Variants in ABCC9 observed in about 807,000 individuals in gnomAD.
The protein encoded by ABCC9 is ATP binding cassette subfamily C member 9.
A neutral mutation model predicts 188.3 loss-of-function variants in ABCC9; 95 were observed. That is an observed-to-expected ratio of 0.50 (90% CI 0.43 to 0.60). The LOEUF (loss-of-function observed/expected upper bound fraction) is 0.60. Among genes scored for constraint, ABCC9 ranks in the 20% least tolerant of loss-of-function variants. ABCC9 has a pLI of 0.00. For synonymous variants in ABCC9, 659 were observed against 652.7 expected, an observed-to-expected ratio of 1.01 and a Z score of -0.15; for missense variants, 1,102 against 1,876.3, an observed-to-expected ratio of 0.59 and a Z score of 7.62.
At chr12:21,827,193 C>T (rs1023265068) in intron 31 of ABCC9, 4 of 985,384 alleles carry the variant, frequency 4.1e-6, no homozygotes, top group Non-Finnish European at 4.8e-6. Flanking sequence ...TTTTCCTGAC[C>T]TTCCCTTTCT....
At chr12:21,862,101 AT>A (rs1013787620) in intron 20 of ABCC9, among the ~76,000 whole-genome samples, 4 of 151,158 alleles carry the variant, frequency 2.6e-5, no homozygotes, top group South Asian at 2.1e-4. Flanking sequence ...TTGTTCTTCA[AT>A]TTTTTTTTCT....
chr12:21,855,010 A>T (rs12425757), intron 22 of ABCC9, among the ~76,000 whole-genome samples: 15,774 of 152,166 alleles, frequency 0.1, 1,019 homozygotes, highest in Admixed American at 0.18. Flanking sequence ...AGAAAAGCAG[A>T]TGATTTTCAC....
At chr12:21,934,027 G>C (rs1017587667) in intron 3 of ABCC9, 104 bp from the exon 4 acceptor site, 3 of 1,216,386 alleles carry the variant, frequency 2.5e-6, no homozygotes, top group Non-Finnish European at 3.5e-6. Flanking sequence ...GGGTGGGGGG[G>C]TCCTGAAACC....
At chr12:21,891,120 T>C (rs1012884180) in intron 14 of ABCC9, among the ~76,000 whole-genome samples, 4 of 152,198 alleles carry the variant, frequency 2.6e-5, no homozygotes, top group Non-Finnish European at 5.9e-5. Flanking sequence ...TTTCCCTTCC[T>C]GGTCTGTCTA....
In ABCC9 at chr12:21,804,688, C is replaced by T. The variant is rs1374656249; in HGVS notation, c.4512+1310G>A. 2.0e-5 allele frequency among the ~76,000 whole-genome samples: 3 copies of T among 152,134 alleles called. No individual in the cohort carries two copies. The South Asian group carries it at 6.2e-4, about 31-fold the overall frequency. ...GCCCTGATGGGACATCATTTCCTGCCATCTTGAAAAAAGCTGCACTCCAAA... is the reference window on the plus strand; with the variant it reads ...GCCCTGATGGGACATCATTTCCTGCTATCTTGAAAAAAGCTGCACTCCAAA... On this transcript the variant is annotated intron_variant, in intron 39 of 39. Coordinates refer to ENST00000261200, the MANE Select transcript of ABCC9 (RefSeq NM_020297.4).
At chr12:21,863,169 A>G in intron 19 of ABCC9, 115 bp from the exon 20 acceptor site, 1 of 734,090 alleles carries the variant, frequency 1.4e-6, no homozygotes, top group Non-Finnish European at 2.3e-6. Context: ...AGATACAGAA[A>G]TGGAAAACTT....
rs571226978 is a variant in ABCC9 at position 21,853,979 on chromosome 12, A to G, written c.2506-1474T>C. 5.9e-5 allele frequency among the ~76,000 whole-genome samples: 9 copies of G among 152,330 alleles called. No individual in the cohort carries two copies. In the South Asian group the frequency reaches 1.7e-3, roughly 28 times the overall value. On this transcript the variant is annotated intron_variant, in intron 22 of 39. Transcript: ENST00000261200. ...CCCTTCTTTCTTTGTTGCTTCTCCA[A>G]TAGGTAATATGCAAACAAACTTCTA...
chr12:21,818,524 A>G (rs1379630984), intron 31 of ABCC9, among the ~76,000 whole-genome samples: 9 of 125,034 alleles, frequency 7.2e-5, no homozygotes, highest in African/African-American at 2.8e-4. Flanking sequence ...AGATATATAT[A>G]TATGTGTGTG....
At chr12:21,913,322 CTG>C (rs1436397739) in intron 7 of ABCC9, among the ~76,000 whole-genome samples, 3 of 152,098 alleles carry the variant, frequency 2.0e-5, no homozygotes, top group Non-Finnish European at 2.9e-5. Context: ...TTCTAAGACT[CTG>C]TATTATTTTA....
In ABCC9 at chr12:21,872,516, T is replaced by C. The variant is rs919630003; in HGVS notation, c.2198+109A>G. On this transcript the variant is annotated intron_variant, in intron 18 of 39. Transcript: ENST00000261200. The stretch of plus-strand genomic sequence containing the variant: ...TTTTTTTTAAAGCTGTGCTTATTTC[T>C]GCGTGGTCTTCAGAGTCAGAACATG... 1.3e-5 allele frequency: 11 copies of C among 864,704 alleles called. No homozygotes were observed. The African/African-American group carries it at 1.7e-4, about 13-fold the overall frequency. The allele number at this position is 864,704 out of a possible 1,614,324, so 53.6% of individuals were successfully genotyped here.
rs1429982838 is a variant in ABCC9 at position 21,799,820 on chromosome 12, T to C, written c.*1224A>G. ...TGGGCACAGAATAGTAGAAACTGGT[T>C]GCTAACGTGACAAAGAAGGTGACTT... is the stretch of plus-strand genomic sequence containing the variant. On this transcript the variant is annotated 3_prime_UTR_variant, in exon 40 of 40. Transcript: ENST00000261200. 2 of 152,218 alleles carry C rather than the reference T, an allele frequency of 1.3e-5. No homozygotes were observed. Among genetic ancestry groups the C allele is most frequent in the Non-Finnish European group, 2.9e-5 (2 of 68,036 alleles). 9.4% of individuals were successfully genotyped at this position (152,218 alleles called of 1,614,324 possible).
intron 14 of ABCC9, among the ~76,000 whole-genome samples, chr12:21,891,917 G>A (rs1947178889): frequency 6.6e-6 from 1 of 152,126 alleles, no homozygotes; most frequent in Non-Finnish European, 1.5e-5. Context: ...ATCAACACTG[G>A]GAGAGCACTT....
intron 39 of ABCC9, among the ~76,000 whole-genome samples, chr12:21,801,745 G>A (rs1446138762): frequency 6.6e-6 from 1 of 152,108 alleles, no homozygotes; most frequent in African/African-American, 2.4e-5. Flanking sequence ...TCCACGCGAT[G>A]CCCTTTGGAT....
chr12:21,800,479 G>A lies in ABCC9; in HGVS notation c.*565C>T, dbSNP rs1338211086. 6.4e-6 allele frequency: 1 copy of A among 155,466 alleles called. No homozygotes were observed. The highest frequency in any genetic ancestry group is 2.4e-5 in the African/African-American group (1 of 41,436). The allele number at this position is 155,466 out of a possible 1,614,324, so 9.6% of individuals were successfully genotyped here. A position where few individuals can be genotyped will look rare whatever the true frequency, so the allele number is the denominator to read the frequency against. ...TTGGCCTTATAGAATAAGTATAAGT[G>A]TGATAACTTCTTGGTGACAAGAAAC... On this transcript the variant is annotated 3_prime_UTR_variant, in exon 40 of 40. Coordinates refer to ENST00000261200, the MANE Select transcript of ABCC9 (RefSeq NM_020297.4).
chr12:21,903,366 G>A, intron 12 of ABCC9, among the ~76,000 whole-genome samples: 1 of 152,140 alleles, frequency 6.6e-6, no homozygotes, highest in Non-Finnish European at 1.5e-5. Context: ...TTGAAAACTG[G>A]CACAAGACAG....
intron 14 of ABCC9, among the ~76,000 whole-genome samples, chr12:21,893,797 T>TA (rs577253772): frequency 6.6e-5 from 10 of 151,666 alleles, no homozygotes; most frequent in Admixed American, 1.3e-4. Context: ...GGGAGAATAA[T>TA]AAAAAAAAGT....
rs564111218 is a variant in ABCC9, at chr12:21,930,114, A to G, written c.284+3668T>C. On this transcript the variant is annotated intron_variant, in intron 4 of 39. Coordinates refer to ENST00000261200, the MANE Select transcript of ABCC9 (RefSeq NM_020297.4). ...TTGTCTTTGCAATAGTTTGCTGAGA[A>G]TGATGTTTCCAGCTTCATCCATGTC... Among the ~76,000 whole-genome samples, 6 of 152,084 alleles carry G rather than the reference A, an allele frequency of 3.9e-5. No individual in the cohort carries two copies. In the East Asian group the frequency reaches 7.7e-4, roughly 20 times the overall value.
At chr12:21,835,337 G>C (rs1944015521) in intron 30 of ABCC9, among the ~76,000 whole-genome samples, 1 of 152,126 alleles carries the variant, frequency 6.6e-6, no homozygotes, top group Non-Finnish European at 1.5e-5. Flanking sequence ...CTCTTAAGTA[G>C]CTCCCAATCT....
At chr12:21,859,531 C>T in intron 22 of ABCC9, 55 bp downstream of exon 22, 5 of 1,545,234 alleles carry the variant, frequency 3.2e-6, no homozygotes, top group South Asian at 1.1e-5. Flanking sequence ...TTTAAAGACT[C>T]ATTTGTCCAG....
Sources: gnomAD v4.1 joint callset for allele counts (sites outside exome capture counted in the v4.1 genomes callset) on GRCh38, gnomAD v4.1.1 for gene constraint, MANE v1.5 for transcripts, NCBI Gene and HGNC (gene_info 2026-07-23, HGNC 2026-07-21) for gene names.